Variants in SSPN observed in about 807,000 individuals in gnomAD.
The protein encoded by SSPN is K-ras oncogene-associated protein.
A neutral mutation model predicts 19.1 loss-of-function variants in SSPN; 15 were observed. That is an observed-to-expected ratio of 0.78 (90% CI 0.52 to 1.21). SSPN has a LOEUF of 1.21. Ranked by LOEUF, SSPN falls within the 50% of genes most tolerant of loss-of-function variation. The pLI is 0.00. For missense variants in SSPN, 291 were observed against 314.0 expected (o/e 0.93, Z 0.55); for synonymous variants, 147 against 140.3 (o/e 1.05, Z -0.34).
At chr12:26,122,378 C>T in intron 1 of SSPN, 1 of 1,208,936 alleles carries the variant, frequency 8.3e-7, no homozygotes, top group Non-Finnish European at 1.0e-6. Flanking sequence ...CGGCAGCCGC[C>T]GCCGGGTACA....
Position 26,232,264 on chromosome 12 carries a change from T to C in SSPN, c.*1188T>C, listed in dbSNP as rs780717089. ...AAATCAAAATAATGTTTTGAAGTTC[T>C]TATTTGAGCAATATGGCCTTGACTT... On this transcript the variant is annotated 3_prime_UTR_variant, in exon 3 of 3. Coordinates refer to ENST00000242729, the MANE Select transcript of SSPN (RefSeq NM_005086.5). The C allele has an allele frequency of 2.4e-4, 234 of 985,364 alleles. No homozygotes were observed. The highest frequency in any genetic ancestry group is 2.7e-4 in the Non-Finnish European group (222 of 829,932). The allele number at this position is 985,364 out of a possible 1,614,324, so 61.0% of individuals were successfully genotyped here.
rs1274830432 is a variant in SSPN at position 26,231,113 on chromosome 12, G to A, written c.*37G>A. 8 of 1,566,258 alleles carry A rather than the reference G, an allele frequency of 5.1e-6. No homozygotes were observed. Among genetic ancestry groups the A allele is most frequent in the Non-Finnish European group, 6.9e-6 (8 of 1,156,322 alleles). ...AAAGTTGCGAGAGAAAGTAGCACAT[G>A]GAGTAGCTGAGGTTAAACAAACAAA... On this transcript the variant is annotated 3_prime_UTR_variant, in exon 3 of 3. Coordinates refer to ENST00000242729, the MANE Select transcript of SSPN (RefSeq NM_005086.5).
At chr12:26,180,638 G>C (rs902655689) in intron 1 of SSPN, 1 of 152,132 alleles carries the variant, frequency 6.6e-6, no homozygotes, top group Non-Finnish European at 1.5e-5. Context: ...CACTGTTAAG[G>C]AACTAAGCAG....
intron 1 of SSPN, chr12:26,122,979 A>AGCT: frequency 6.4e-7 from 1 of 1,565,180 alleles, no homozygotes; most frequent in Non-Finnish European, 8.7e-7. Flanking sequence ...TTGAGTCAAC[A>AGCT]GCTGCGGGGT....
chr12:26,169,771 C>T (rs1944643336), intron 1 of SSPN, among the ~76,000 whole-genome samples: 1 of 152,144 alleles, frequency 6.6e-6, no homozygotes, highest in South Asian at 2.1e-4. Flanking sequence ...TCAAAGTTCT[C>T]ACCCCTCTTT....
intron 1 of SSPN, 79 bp downstream of exon 1, chr12:26,196,030 C>T (rs1477255135): frequency 8.5e-7 from 1 of 1,173,770 alleles, no homozygotes; most frequent in Non-Finnish European, 1.1e-6. Context: ...GAGACTAACC[C>T]AGCTGCATGT....
At chr12:26,171,584 G>T (rs1299255761) in intron 1 of SSPN, among the ~76,000 whole-genome samples, 1 of 151,264 alleles carries the variant, frequency 6.6e-6, no homozygotes, top group African/African-American at 2.4e-5. Flanking sequence ...AATCATTCTA[G>T]AGATTTACAA....
chr12:26,162,659 C>T (rs1012135863), intron 1 of SSPN, among the ~76,000 whole-genome samples: 21 of 152,124 alleles, frequency 1.4e-4, no homozygotes, highest in Admixed American at 7.2e-4. Context: ...CTTCAAAACA[C>T]GGCATGCAAA....
chr12:26,139,667 A>G (rs1944447748), intron 1 of SSPN, among the ~76,000 whole-genome samples: 1 of 152,256 alleles, frequency 6.6e-6, no homozygotes, highest in Non-Finnish European at 1.5e-5. Context: ...TGAAAAGCAA[A>G]TAGTAAAATG....
chr12:26,190,467 C>G (rs993506769), upstream of SSPN, among the ~76,000 whole-genome samples: 1 of 152,182 alleles, frequency 6.6e-6, no homozygotes, highest in African/African-American at 2.4e-5. Flanking sequence ...TCCCAGGCCT[C>G]CAGTCTTTAA....
At chr12:26,163,173 T>C (rs1359522265) in intron 1 of SSPN, among the ~76,000 whole-genome samples, 2 of 152,072 alleles carry the variant, frequency 1.3e-5, no homozygotes, top group East Asian at 1.9e-4. Context: ...CTGAAAGCAG[T>C]CCTTTCTTGA....
intron 1 of SSPN, among the ~76,000 whole-genome samples, chr12:26,164,479 GCAGTGAGCTATGATCATGT>G (rs1944608890): frequency 6.6e-6 from 1 of 152,194 alleles, no homozygotes; most frequent in African/African-American, 2.4e-5. Context: ...GTTCTAGGCT[GCAGTGAGCTATGATCATGT>G]CACTGTATTC....
intron 1 of SSPN, among the ~76,000 whole-genome samples, chr12:26,219,244 T>G (rs899024038): frequency 1.3e-5 from 2 of 152,114 alleles, no homozygotes; most frequent in African/African-American, 4.8e-5. Flanking sequence ...ACATATGACA[T>G]GGAGAGAGTA....
intron 1 of SSPN, among the ~76,000 whole-genome samples, chr12:26,173,672 T>G (rs1452542924): frequency 6.6e-6 from 1 of 152,228 alleles, no homozygotes; most frequent in Admixed American, 6.5e-5. Flanking sequence ...TCGTCTTTTA[T>G]AAGAAGCCTG....
At chr12:26,182,032 G>C (rs966629041) in intron 1 of SSPN, among the ~76,000 whole-genome samples, 1 of 152,170 alleles carries the variant, frequency 6.6e-6, no homozygotes, top group Non-Finnish European at 1.5e-5. Context: ...TTGAAGGATG[G>C]CTTTAGGCTT....
chr12:26,122,204 C>T (rs1220447018), intron 1 of SSPN: 1 of 1,385,546 alleles, frequency 7.2e-7, no homozygotes, highest in Non-Finnish European at 9.3e-7. Flanking sequence ...GGGGCGCCAC[C>T]TCGTGCGGCA....
At chr12:26,191,677 TACACACACACACACACACACACACAC>T (rs10525695), upstream of SSPN, among the ~76,000 whole-genome samples, 2 of 148,998 alleles carry the variant, frequency 1.3e-5, no homozygotes, top group South Asian at 2.2e-4. Flanking sequence ...TAATTTGTTC[TACACACACACACACACACACACACAC>T]ACACACACAC....
rs1177190850 is a variant in SSPN, at chr12:26,122,128, G to C, written c.-55G>C. On this transcript the variant is annotated 5_prime_UTR_variant, in exon 1 of 3. Transcript: ENST00000538142. ...TGAGCAGAGCTCTCCGGGTTCCCCG[G>C]CTCGCGGGGCCCGGCGAAGGGCAGG... 4 of 1,548,862 alleles carry C rather than the reference G, an allele frequency of 2.6e-6. No individual in the cohort carries two copies. In the African/African-American group the frequency reaches 4.1e-5, roughly 16 times the overall value.
chr12:26,222,313 A>G (rs1269822626), intron 1 of SSPN, among the ~76,000 whole-genome samples: 1 of 152,240 alleles, frequency 6.6e-6, no homozygotes. Context: ...TGAACAACCT[A>G]CAACTTGGCA....
Sources: allele counts gnomAD v4.1 joint callset (sites outside exome capture counted in the v4.1 genomes callset), GRCh38; gene constraint gnomAD v4.1.1; transcripts MANE v1.5; gene names NCBI Gene and HGNC (gene_info 2026-07-23, HGNC 2026-07-21).